Variants in ZNF143 observed in about 807,000 individuals in gnomAD.
The protein encoded by ZNF143 is SPH-binding factor.
In ZNF143, 49 loss-of-function variants were observed where a neutral mutation model predicts 74.1. The ratio of observed to expected loss-of-function variants is 0.66; its 90% CI spans 0.53 to 0.84. The LOEUF (loss-of-function observed/expected upper bound fraction) is 0.84. Ranked by LOEUF, ZNF143 falls within the 40% of genes least tolerant of loss-of-function variation. The pLI, the probability that ZNF143 is intolerant of heterozygous loss-of-function variation, is 0.00. For synonymous variants in ZNF143, 304 were observed against 282.8 expected (o/e 1.07, Z -0.75); for missense variants, 637 against 793.4 (o/e 0.80, Z 2.37).
chr11:9,517,519 G>A lies in ZNF143; in HGVS notation c.1686+1157G>A, dbSNP rs142161771. Reference sequence around the variant, plus strand: ...GTTGCCAAACTTCCCTTCTAGGGTTGTGCCAGTCTCCATTCTTACCTGCAG... The same window carrying A: ...GTTGCCAAACTTCCCTTCTAGGGTTATGCCAGTCTCCATTCTTACCTGCAG... On this transcript the variant is annotated intron_variant, in intron 14 of 15. Coordinates refer to ENST00000396602, the MANE Select transcript of ZNF143 (RefSeq NM_003442.6). 2.8e-3 allele frequency among the ~76,000 whole-genome samples: 431 copies of A among 152,282 alleles called. 3 individuals are homozygous for A. Among genetic ancestry groups the A allele is most frequent in the African/African-American group, 1.0e-2 (415 of 41,560 alleles).
intron 8 of ZNF143, among the ~76,000 whole-genome samples, chr11:9,495,631 G>C (rs898676316): frequency 1.3e-5 from 2 of 152,184 alleles, no homozygotes; most frequent in Non-Finnish European, 2.9e-5. Flanking sequence ...GTAACCTTGG[G>C]ATGTTAGTTG....
At chr11:9,516,158 A>G (rs777504228) in intron 13 of ZNF143, 43 bp from the exon 14 acceptor site, 66 of 1,602,182 alleles carry the variant, frequency 4.1e-5, no homozygotes, top group Non-Finnish European at 5.4e-5. Flanking sequence ...TGTCAGCTAT[A>G]ACAAGAAACA....
At position 9,516,235 on chromosome 11, in the gene ZNF143, G is replaced by GCAA. The variant is rs998429014; in HGVS notation, c.1562_1564dup (p.Asn521dup). On this transcript the variant is annotated inframe_insertion, in exon 14 of 16. Transcript: ENST00000396602. ...TCTCAAGCTGACATGCAGGCCATTGGCAACACCATCACAATGGTAACGCAG... is the reference window on the plus strand; with the variant it reads ...TCTCAAGCTGACATGCAGGCCATTGGCAACAACACCATCACAATGGTAACGCAG... 31 of 1,613,960 alleles carry GCAA rather than the reference G, an allele frequency of 1.9e-5. No individual in the cohort carries two copies. The highest frequency in any genetic ancestry group is 2.5e-5 in the Non-Finnish European group (29 of 1,179,980).
At chr11:9,473,561 T>C (rs1403480401) in intron 3 of ZNF143, among the ~76,000 whole-genome samples, 1 of 152,214 alleles carries the variant, frequency 6.6e-6, no homozygotes, top group African/African-American at 2.4e-5. Context: ...GGGATGAGAA[T>C]GACAGATGAT....
At chr11:9,496,706 A>C (rs756755196) in intron 9 of ZNF143, among the ~76,000 whole-genome samples, 1 of 151,502 alleles carries the variant, frequency 6.6e-6, no homozygotes, top group Non-Finnish European at 1.5e-5. Flanking sequence ...AAGCAATTCT[A>C]GTGCCTCAGC....
chr11:9,501,043 C>T (rs1376234978), intron 10 of ZNF143, 48 bp from the exon 11 acceptor site: 2 of 1,598,490 alleles, frequency 1.3e-6, no homozygotes, highest in East Asian at 2.2e-5. Context: ...CATTTTAATC[C>T]TCTATATATT....
intron 11 of ZNF143, among the ~76,000 whole-genome samples, chr11:9,507,285 T>C (rs1164653173): frequency 6.6e-6 from 1 of 152,210 alleles, no homozygotes; most frequent in African/African-American, 2.4e-5. Flanking sequence ...TTTAAAAATC[T>C]GAGTTCACAC....
chr11:9,514,065 A>G (rs950446235), intron 13 of ZNF143, among the ~76,000 whole-genome samples: 15 of 152,162 alleles, frequency 9.9e-5, no homozygotes, highest in Non-Finnish European at 1.5e-5. Flanking sequence ...GCTAATTAAA[A>G]AAACATGTTT....
intron 5 of ZNF143, among the ~76,000 whole-genome samples, chr11:9,477,113 CCCTT>C (rs370473998): frequency 0.089 from 6,262 of 70,418 alleles, 359 homozygotes; most frequent in East Asian, 0.13. Context: ...AAGTCTGCAC[CCCTT>C]CCTTCCTTCC....
rs1847106068 is a variant in ZNF143, at chr11:9,478,444, C to G, written c.428C>G (p.Ala143Gly). ...QAVQLEDGTT[A>G]YIHHAVQVPQ... ...GTTCAGCTGGAAGATGGTACCACAG[C>G]TTATATCCACCATGCAGTGCAAGTC... Residue 143 changes from alanine to glycine, a missense_variant, in exon 6 of 16, where the codon GCT becomes GGT. This residue lies in a region of ZNF143 where 293 missense variants were observed against 307.8 expected (regional missense o/e 0.95). Coordinates refer to ENST00000396602, the MANE Select transcript of ZNF143 (RefSeq NM_003442.6). The G allele has an allele frequency of 8.1e-6, 13 of 1,614,042 alleles. No individual in the cohort carries two copies. Among genetic ancestry groups the G allele is most frequent in the Non-Finnish European group, 1.1e-5 (13 of 1,180,038 alleles).
chr11:9,475,238 G>A (rs568575663), intron 5 of ZNF143, among the ~76,000 whole-genome samples: 1 of 152,252 alleles, frequency 6.6e-6, no homozygotes, highest in African/African-American at 2.4e-5. Context: ...AAATCACAAT[G>A]TAACATTGAA....
intron 14 of ZNF143, among the ~76,000 whole-genome samples, chr11:9,518,030 A>C (rs542737543): frequency 1.1e-4 from 17 of 152,340 alleles, no homozygotes; most frequent in Non-Finnish European, 1.6e-4. Context: ...GAGAATGTGC[A>C]ACAAACTTCT....
intron 8 of ZNF143, among the ~76,000 whole-genome samples, chr11:9,495,844 A>G (rs1847939478): frequency 6.6e-6 from 1 of 152,218 alleles, no homozygotes; most frequent in Non-Finnish European, 1.5e-5. Context: ...GGTAGATACT[A>G]TTGTGTCCCC....
chr11:9,467,379 A>ACCCGCCACCATACCC (rs1281916477), intron 1 of ZNF143, among the ~76,000 whole-genome samples: 1 of 151,324 alleles, frequency 6.6e-6, no homozygotes, highest in Non-Finnish European at 1.5e-5. Flanking sequence ...GATTATAGGC[A>ACCCGCCACCATACCC]CCCGCCACCA....
At position 9,471,343 on chromosome 11, in the gene ZNF143, G is replaced by A. The variant is rs148277762; in HGVS notation, c.35G>A (p.Gly12Glu). 15 of 1,612,442 alleles carry A rather than the reference G, an allele frequency of 9.3e-6. No homozygotes were observed. In the East Asian group the frequency reaches 2.9e-4, roughly 31 times the overall value. Residue 12 changes from glycine to glutamate, a missense_variant, in exon 2 of 16, where the codon GGA becomes GAA. Transcript: ENST00000396602. Reference protein sequence around the residue: ...LLAQINRDSQGMTEFPGGGME... With the variant: ...LLAQINRDSQEMTEFPGGGME... Reference sequence around the variant, plus strand: ...GCCCAAATAAATCGAGATTCTCAGGGAATGACAGAGTTTCCTGGAGGAGGG... The same window carrying A: ...GCCCAAATAAATCGAGATTCTCAGGAAATGACAGAGTTTCCTGGAGGAGGG...
intron 5 of ZNF143, among the ~76,000 whole-genome samples, chr11:9,477,629 T>C (rs191188147): frequency 1.3e-4 from 20 of 151,856 alleles, no homozygotes; most frequent in Admixed American, 4.6e-4. Flanking sequence ...TCACTATCTC[T>C]ATATATATAT....
intron 7 of ZNF143, among the ~76,000 whole-genome samples, chr11:9,486,407 TA>T (rs1847515660): frequency 1.3e-3 from 31 of 24,682 alleles, no homozygotes; most frequent in African/African-American, 4.9e-3. Flanking sequence ...ATATATTATA[TA>T]TATAATATAT....
chr11:9,504,974 CTT>C (rs111642415), intron 11 of ZNF143, among the ~76,000 whole-genome samples: 14,910 of 73,296 alleles, frequency 0.2, 3,000 homozygotes, highest in African/African-American at 0.34. Flanking sequence ...CGCCCAGCCT[CTT>C]TTTTTTTTTT....
chr11:9,470,853 T>G (rs891886525), intron 1 of ZNF143, among the ~76,000 whole-genome samples: 1 of 152,054 alleles, frequency 6.6e-6, no homozygotes, highest in African/African-American at 2.4e-5. Context: ...GTTATAGTAA[T>G]GCAGGTGAGA....
Sources: allele counts gnomAD v4.1 joint callset (sites outside exome capture counted in the v4.1 genomes callset), GRCh38; gene constraint gnomAD v4.1.1; regional missense constraint gnomAD v4.1.1; transcripts MANE v1.5; gene names NCBI Gene and HGNC (gene_info 2026-07-23, HGNC 2026-07-21).